The following CHD6 variants were observed in gnomAD, a reference collection of about 807,000 sequenced individuals.
CHD6 encodes the protein ATP-dependent chromatin remodeler CHD6.
CHD6 carries 50 observed loss-of-function variants against 276.9 expected under a neutral mutation model. The ratio of observed to expected loss-of-function variants is 0.18; its 90% CI spans 0.14 to 0.23. CHD6 has a LOEUF of 0.23. Among genes scored for constraint, CHD6 ranks in the 10% least tolerant of loss-of-function variants. The probability of loss-of-function intolerance (pLI) is 1.00; values close to 1 mark genes in which losing one functional copy is unlikely to be tolerated. For missense variants in CHD6, 2,564 were observed against 3,365.8 expected (o/e 0.76, Z 5.89); for synonymous variants, 1,173 against 1,229.3 (o/e 0.95, Z 0.96).
intron 17 of CHD6, among the ~76,000 whole-genome samples, chr20:41,463,645 A>C (rs917132203): frequency 6.6e-6 from 1 of 152,172 alleles, no homozygotes; most frequent in Non-Finnish European, 1.5e-5. Context: ...ACTCTTCAAA[A>C]ACTTGAAGGT....
At chr20:41,492,504 T>C (rs2043578998) in intron 10 of CHD6, among the ~76,000 whole-genome samples, 1 of 152,198 alleles carries the variant, frequency 6.6e-6, no homozygotes, top group Non-Finnish European at 1.5e-5. Context: ...ATAATATTAA[T>C]AAGGAACTGG....
rs749409815 is a variant in CHD6, at chr20:41,451,999, G to A, written c.3350C>T (p.Thr1117Ile). 1 of 1,614,078 alleles carries A rather than the reference G, an allele frequency of 6.2e-7. No individual in the cohort carries two copies. Among genetic ancestry groups the A allele is most frequent in the Non-Finnish European group, 8.5e-7 (1 of 1,179,982 alleles). The change falls in exon 22 of 37, where the codon ACT becomes ATT. Residue 1117 changes from threonine (T) to isoleucine (I), a missense_variant. Around this residue, in one of 7 missense-constraint regions of CHD6, gnomAD observed 515 missense variants for 739.5 expected, o/e 0.70. Coordinates refer to ENST00000373233, the MANE Select transcript of CHD6 (RefSeq NM_032221.5). ...CAGATGCCACTTGAATCGGCCATGA[G>A]TCAGGATGTCCTTCCACCGGCCCCA... ...FGWGRWKDIL[T>I]HGRFKWHLNE...
intron 2 of CHD6, among the ~76,000 whole-genome samples, chr20:41,541,552 T>C (rs1015365693): frequency 3.9e-5 from 6 of 152,162 alleles, no homozygotes; most frequent in African/African-American, 1.4e-4. Flanking sequence ...GACCAAATCC[T>C]GACACACACT....
At chr20:41,589,569 C>T (rs1486013060) in intron 1 of CHD6, among the ~76,000 whole-genome samples, 2 of 152,096 alleles carry the variant, frequency 1.3e-5, no homozygotes, top group African/African-American at 4.8e-5. Flanking sequence ...TCTTATACAC[C>T]AATAACAGGC....
intron 27 of CHD6, among the ~76,000 whole-genome samples, chr20:41,435,635 G>T (rs568826933): frequency 6.7e-6 from 1 of 149,772 alleles, no homozygotes; most frequent in South Asian, 2.1e-4. Context: ...AAATGCAGAG[G>T]TATATACAGT....
rs990869613 is a variant in CHD6, at chr20:41,497,439, T to C, written c.1037A>G (p.Gln346Arg). The C allele has an allele frequency of 6.2e-7, 1 of 1,613,998 alleles. No individual in the cohort carries two copies. The highest frequency in any genetic ancestry group is 8.5e-7 in the Non-Finnish European group (1 of 1,179,884). Residue 346 changes from glutamine to arginine, a missense_variant, in exon 8 of 37, where the codon CAG becomes CGG. Transcript: ENST00000373233. ...EELEKDPRIA[Q>R]KIKRFRNKQA... is the part of the protein sequence containing the mutation. ...TTTATTCCTAAATCGCTTGATCTTC[T>C]GTGCGATGCGAGGATCCTTTTCGAG...
intron 34 of CHD6, chr20:41,414,110 A>G (rs1293756110): frequency 6.6e-6 from 1 of 152,232 alleles, no homozygotes; most frequent in Non-Finnish European, 1.5e-5. Context: ...ACATCTAAAA[A>G]AGGTAAAAGA....
At chr20:41,606,188 C>T (rs957304714) in intron 1 of CHD6, among the ~76,000 whole-genome samples, 36 of 151,708 alleles carry the variant, frequency 2.4e-4, no homozygotes, top group African/African-American at 8.5e-4. Context: ...CCAGCCTGGC[C>T]AATATGGTGA....
chr20:41,416,798 G>GA lies in CHD6; in HGVS notation c.6280-5dup. 1 of 1,539,472 alleles carries GA rather than the reference G, an allele frequency of 6.5e-7. No individual in the cohort carries two copies. Among genetic ancestry groups the GA allele is most frequent in the Non-Finnish European group, 8.8e-7 (1 of 1,140,702 alleles). ...GGCGGTTAATTATCACGCGGTCCTA[G>GA]AAAAAAGGATAAAGCTCTGATGAAT... On this transcript the variant is annotated splice_polypyrimidine_tract_variant and splice_region_variant and intron_variant, in intron 32 of 36. Coordinates refer to ENST00000373233, the MANE Select transcript of CHD6 (RefSeq NM_032221.5).
chr20:41,548,889 A>G (rs2045096528), intron 2 of CHD6, among the ~76,000 whole-genome samples: 1 of 152,042 alleles, frequency 6.6e-6, no homozygotes. Context: ...AACACATGAA[A>G]AAATGCTCAT....
chr20:41,500,833 G>A (rs1297689530), intron 5 of CHD6, among the ~76,000 whole-genome samples: 1 of 152,120 alleles, frequency 6.6e-6, no homozygotes, highest in Non-Finnish European at 1.5e-5. Flanking sequence ...GGAAAAGAAA[G>A]AAGGAAATAC....
At chr20:41,428,023 G>A (rs956751510) in intron 27 of CHD6, among the ~76,000 whole-genome samples, 3 of 152,158 alleles carry the variant, frequency 2.0e-5, no homozygotes, top group African/African-American at 7.2e-5. Flanking sequence ...GCTGACATGG[G>A]CATCATCATA....
intron 13 of CHD6, 146 bp downstream of exon 13, chr20:41,488,282 T>C (rs1334633560): frequency 2.7e-5 from 19 of 711,330 alleles, no homozygotes; most frequent in Non-Finnish European, 3.9e-5. Flanking sequence ...TTAATTCCTA[T>C]ACTATTGCAG....
In CHD6 at chr20:41,533,245, C is replaced by T; in HGVS notation, c.359G>A (p.Arg120Lys). Reference sequence around the variant, plus strand: ...CTTTGGCTCTTTCGGTTCTCGTTTCCTCTTTGGCTTGGGCTCTCTGTCCTT... The same window carrying T: ...CTTTGGCTCTTTCGGTTCTCGTTTCTTCTTTGGCTTGGGCTCTCTGTCCTT... Reference protein sequence around the residue: ...GSKDREPKPKRKREPKEPKEP... With the variant: ...GSKDREPKPKKKREPKEPKEP... Residue 120 changes from arginine (R) to lysine (K), a missense_variant, in exon 3 of 37, where the codon AGG (arginine) becomes AAG (lysine). Physicochemically the swap from Arg to Lys is conservative, Grantham distance 26. Coordinates refer to ENST00000373233, the MANE Select transcript of CHD6 (RefSeq NM_032221.5). The T allele has an allele frequency of 6.2e-7, 1 of 1,613,696 alleles. No homozygotes were observed. Among genetic ancestry groups the T allele is most frequent in the Non-Finnish European group, 8.5e-7 (1 of 1,179,954 alleles).
chr20:41,572,728 G>C (rs6102473), intron 1 of CHD6, among the ~76,000 whole-genome samples: 58,000 of 151,966 alleles, frequency 0.38, 13,752 homozygotes, highest in African/African-American at 0.65. Context: ...GCCCAGGCAA[G>C]CAGGGAACTC....
At chr20:41,540,684 G>A (rs1292287354) in intron 2 of CHD6, among the ~76,000 whole-genome samples, 1 of 152,142 alleles carries the variant, frequency 6.6e-6, no homozygotes, top group African/African-American at 2.4e-5. Context: ...CCCAAGTAGT[G>A]AGCAAGGCCT....
intron 32 of CHD6, 96 bp from the exon 33 acceptor site, chr20:41,416,890 G>A: frequency 9.2e-7 from 1 of 1,082,766 alleles, no homozygotes; most frequent in South Asian, 1.7e-5. Context: ...ACCAGAAGGA[G>A]TCGATAAGAA....
chr20:41,610,303 T>C (rs1387460278), intron 1 of CHD6, among the ~76,000 whole-genome samples: 1 of 152,098 alleles, frequency 6.6e-6, no homozygotes, highest in African/African-American at 2.4e-5. Context: ...TACAAGTAGA[T>C]GGGGAGAGGA....
intron 2 of CHD6, among the ~76,000 whole-genome samples, chr20:41,539,460 G>C (rs893496094): frequency 6.6e-6 from 1 of 152,142 alleles, no homozygotes; most frequent in East Asian, 1.9e-4. Context: ...AGTCTTCTGT[G>C]AGAGGGACAC....
Sources: gnomAD v4.1 joint callset for allele counts (sites outside exome capture counted in the v4.1 genomes callset) on GRCh38, gnomAD v4.1.1 for gene constraint, gnomAD v4.1.1 regional missense constraint, MANE v1.5 for transcripts, NCBI Gene and HGNC (gene_info 2026-07-23, HGNC 2026-07-21) for gene names.